The following SLC22A2 variants were observed in gnomAD, a reference collection of about 807,000 sequenced individuals.
The protein encoded by SLC22A2 is organic cation transporter 2.
In SLC22A2, 46 loss-of-function variants were observed where a neutral mutation model predicts 60.5. The observed-to-expected ratio is 0.76, with a 90% CI of 0.60 to 0.97. The LOEUF is 0.97. Ranked by LOEUF, SLC22A2 falls within the 50% of genes least tolerant of loss-of-function variation. The pLI is 0.00. For missense variants in SLC22A2, 701 were observed against 706.6 expected, an observed-to-expected ratio of 0.99 and a Z score of 0.09; for synonymous variants, 303 against 267.0, an observed-to-expected ratio of 1.13 and a Z score of -1.31.
At chr6:160,223,637 G>A (rs912786041) in intron 10 of SLC22A2, among the ~76,000 whole-genome samples, 11 of 152,170 alleles carry the variant, frequency 7.2e-5, no homozygotes, top group Non-Finnish European at 1.6e-4. Context: ...TTAATGACTA[G>A]TCCTGTACAT....
chr6:160,240,737 A>T (rs1298491723), intron 9 of SLC22A2, among the ~76,000 whole-genome samples: 1 of 152,076 alleles, frequency 6.6e-6, no homozygotes, highest in East Asian at 1.9e-4. Flanking sequence ...CTTCCCCTAA[A>T]TTGAGTGCTA....
At chr6:160,235,249 A>G (rs571301176) in intron 9 of SLC22A2, among the ~76,000 whole-genome samples, 61 of 152,098 alleles carry the variant, frequency 4.0e-4, no homozygotes, top group African/African-American at 1.5e-3. Flanking sequence ...ACTATACATT[A>G]TGAGAGAGCT....
chr6:160,250,441 T>G, intron 3 of SLC22A2, 107 bp downstream of exon 3: 1 of 998,240 alleles, frequency 1.0e-6, no homozygotes, highest in Non-Finnish European at 1.6e-6. Flanking sequence ...AATCTCTCAA[T>G]ATTGTCTTGA....
At chr6:160,245,692 TCA>T in intron 5 of SLC22A2, 147 bp from the exon 6 acceptor site, 1 of 333,450 alleles carries the variant, frequency 3.0e-6, no homozygotes. Flanking sequence ...GTGTCCCATT[TCA>T]TTTTTTTTTT....
intron 4 of SLC22A2, 45 bp downstream of exon 4, chr6:160,249,171 A>T (rs759402281): frequency 7.2e-7 from 1 of 1,390,016 alleles, no homozygotes. Context: ...TCTTAGCAGA[A>T]TAAAATACTT....
chr6:160,218,947 A>C (rs1021939517), intron 10 of SLC22A2, among the ~76,000 whole-genome samples: 7 of 474 alleles, frequency 0.015, no homozygotes, highest in Non-Finnish European at 0.02. Flanking sequence ...CAGTAGTAAT[A>C]GCAGCAACAG....
At chr6:160,252,122 G>A (rs1285122452) in intron 2 of SLC22A2, among the ~76,000 whole-genome samples, 1 of 152,160 alleles carries the variant, frequency 6.6e-6, no homozygotes, top group African/African-American at 2.4e-5. Flanking sequence ...GCTCCCTGCT[G>A]TAAATATACA....
intron 9 of SLC22A2, among the ~76,000 whole-genome samples, chr6:160,229,091 G>T (rs1321340397): frequency 6.6e-6 from 1 of 151,852 alleles, no homozygotes; most frequent in Non-Finnish European, 1.5e-5. Context: ...TCTCTTGGGA[G>T]ATCAATCCCC....
intron 3 of SLC22A2, 31 bp downstream of exon 3, chr6:160,250,517 T>TTC (rs776255725): frequency 7.4e-6 from 12 of 1,613,220 alleles, no homozygotes; most frequent in Non-Finnish European, 1.0e-5. Context: ...GGTTGCTTTG[T>TTC]TCTCACAGTT....
At chr6:160,244,076 G>GA (rs1783054738) in intron 6 of SLC22A2, 1 of 320,180 alleles carries the variant, frequency 3.1e-6, no homozygotes, top group African/African-American at 2.1e-5. Flanking sequence ...TGTCTTAATG[G>GA]AATGATTTAT....
intron 9 of SLC22A2, among the ~76,000 whole-genome samples, chr6:160,234,805 A>T (rs1782885166): frequency 6.6e-6 from 1 of 152,238 alleles, no homozygotes; most frequent in African/African-American, 2.4e-5. Flanking sequence ...CCAATGCTGT[A>T]GCTCAATAGC....
chr6:160,219,366 TAGCAGCAGCAACAACAGC>T (rs1782607464), intron 10 of SLC22A2, among the ~76,000 whole-genome samples: 1 of 81,556 alleles, frequency 1.2e-5, no homozygotes, highest in South Asian at 4.8e-4. Context: ...AAAATGACAA[TAGCAGCAGCAACAACAGC>T]AGCAGCAGCA....
chr6:160,245,862 T>G (rs1327988886), intron 5 of SLC22A2, among the ~76,000 whole-genome samples: 59 of 93,468 alleles, frequency 6.3e-4, no homozygotes, highest in Non-Finnish European at 1.1e-3. Context: ...AATGCCCAGC[T>G]TTTTTTTTTT....
intron 9 of SLC22A2, among the ~76,000 whole-genome samples, chr6:160,239,032 C>T (rs1336759190): frequency 6.6e-6 from 1 of 152,104 alleles, no homozygotes; most frequent in Admixed American, 6.6e-5. Flanking sequence ...TCACAAAGAC[C>T]TTGGTGATAA....
chr6:160,224,609 T>C, intron 10 of SLC22A2, 96 bp downstream of exon 10: 1 of 571,264 alleles, frequency 1.8e-6, no homozygotes, highest in South Asian at 4.3e-5. Flanking sequence ...CAGTGTATGG[T>C]GTGAAGTATA....
chr6:160,245,543 G>T lies in SLC22A2; in HGVS notation c.960C>A (p.Arg320=). Residue 320 remains arginine, a splice_region_variant and synonymous_variant, in exon 6 of 11, where the codon CGC becomes CGA. Transcript: ENST00000366953. Reference sequence around the variant, plus strand: ...TGCCAGTTTCCTCTTCAAGTCTCAGGCGCTAAGAAAAGGAATAGAAAGGAC... The same window carrying T: ...TGCCAGTTTCCTCTTCAAGTCTCAGTCGCTAAGAAAAGGAATAGAAAGGAC... ...NGKSLPASLQ[R]LRLEEETGKK... 1 of 1,605,222 alleles carries T rather than the reference G, an allele frequency of 6.2e-7. No individual in the cohort carries two copies. Among genetic ancestry groups the T allele is most frequent in the South Asian group, 1.1e-5 (1 of 89,806 alleles).
chr6:160,256,567 C>T, intron 2 of SLC22A2, 47 bp downstream of exon 2: 1 of 1,377,264 alleles, frequency 7.3e-7, no homozygotes. Context: ...AAGTGTTCTC[C>T]AAACCTTTGG....
intron 3 of SLC22A2, 46 bp downstream of exon 3, chr6:160,250,502 A>G: frequency 6.2e-7 from 1 of 1,604,628 alleles, no homozygotes; most frequent in East Asian, 2.2e-5. Context: ...CTATTTTGGC[A>G]GCGAGGTTGC....
At chr6:160,241,183 C>A (rs1782994466) in intron 9 of SLC22A2, among the ~76,000 whole-genome samples, 2 of 152,262 alleles carry the variant, frequency 1.3e-5, no homozygotes, top group South Asian at 4.1e-4. Context: ...TCTCATTCTT[C>A]TCTTCAACAT....
Sources: allele counts gnomAD v4.1 joint callset (sites outside exome capture counted in the v4.1 genomes callset), GRCh38; gene constraint gnomAD v4.1.1; transcripts MANE v1.5; gene names NCBI Gene and HGNC (gene_info 2026-07-23, HGNC 2026-07-21).